MAP3K2: variants seen among roughly 807,000 people sequenced by gnomAD.
MAP3K2 encodes mitogen-activated protein kinase kinase kinase 2.
Under a neutral mutation model 80.3 loss-of-function variants are expected in MAP3K2, and 24 were observed. The ratio of observed to expected loss-of-function variants is 0.30; its 90% confidence interval spans 0.22 to 0.42. The LOEUF is 0.42. Among genes scored for constraint, MAP3K2 ranks in the 10% least tolerant of loss-of-function variants. The probability of loss-of-function intolerance (pLI) is 1.00; values close to 1 mark genes in which losing one functional copy is unlikely to be tolerated. For missense variants in MAP3K2, 608 were observed against 750.1 expected, an observed-to-expected ratio of 0.81 and a Z score of 2.21; for synonymous variants, 244 against 253.7, an observed-to-expected ratio of 0.96 and a Z score of 0.36.
chr2:127,337,860 G>T, intron 3 of MAP3K2, 82 bp from the exon 4 acceptor site: 2 of 873,754 alleles, frequency 2.3e-6, no homozygotes, highest in South Asian at 1.9e-5. Flanking sequence ...ATTTCTAAAT[G>T]ATTTTGTTTT....
chr2:127,319,591 G>T (rs929956309), intron 12 of MAP3K2, among the ~76,000 whole-genome samples: 1 of 138,956 alleles, frequency 7.2e-6, no homozygotes, highest in South Asian at 2.3e-4. Context: ...GATCACCTGA[G>T]GTCAGGAGTT....
intron 1 of MAP3K2, among the ~76,000 whole-genome samples, chr2:127,366,525 T>C (rs1241502876): frequency 1.3e-5 from 2 of 152,116 alleles, no homozygotes; most frequent in African/African-American, 2.4e-5. Context: ...TCGTGATGTA[T>C]AGTTTGTCCC....
chr2:127,326,859 G>A, intron 7 of MAP3K2, 42 bp from the exon 8 acceptor site: 2 of 1,377,480 alleles, frequency 1.5e-6, no homozygotes, highest in Non-Finnish European at 9.7e-7. Context: ...TATAGGCAAG[G>A]GAATCAAGTT....
intron 9 of MAP3K2, among the ~76,000 whole-genome samples, chr2:127,324,825 A>C (rs1686098365): frequency 1.3e-5 from 2 of 152,216 alleles, no homozygotes; most frequent in Non-Finnish European, 2.9e-5. Flanking sequence ...AGGATTACCA[A>C]GAATACTGTC....
At position 127,307,642 on chromosome 2, in the gene MAP3K2, T is replaced by C; in HGVS notation, c.1797A>G (p.Val599=). 1 of 1,589,458 alleles carries C rather than the reference T, an allele frequency of 6.3e-7. No individual in the cohort carries two copies. The highest frequency in any genetic ancestry group is 1.3e-5 in the African/African-American group (1 of 74,710). ...YTRDFLKRIF[V]EAKLRPSADE... ...CAGCTGAAGGTCTCAGTTTGGCCTC[T>C]ACAAAAATCCGTTTGAGGAAATCTC... is the stretch of plus-strand genomic sequence containing the variant. The change falls in exon 17 of 17, where the codon GTA becomes GTG. Residue 599 remains valine (V), a synonymous_variant. Transcript: ENST00000682094. This position sits in a 1 kb window ranked among gnomAD's most constrained non-coding sequence, Gnocchi z 5.4.
At chr2:127,365,509 T>C (rs1686958112) in intron 1 of MAP3K2, among the ~76,000 whole-genome samples, 2 of 152,198 alleles carry the variant, frequency 1.3e-5, no homozygotes, top group African/African-American at 4.8e-5. Flanking sequence ...TATGGTTAGA[T>C]AGAGCTGCAG....
intron 15 of MAP3K2, among the ~76,000 whole-genome samples, chr2:127,314,143 T>C (rs1026562802): frequency 3.3e-5 from 5 of 152,210 alleles, no homozygotes; most frequent in African/African-American, 1.2e-4. Flanking sequence ...CCTACATCCT[T>C]TATCCCTGCA....
chr2:127,368,502 G>T (rs1687010087), intron 1 of MAP3K2, among the ~76,000 whole-genome samples: 1 of 151,746 alleles, frequency 6.6e-6, no homozygotes, highest in South Asian at 2.1e-4. Flanking sequence ...TGCGCCTGTA[G>T]TCCCAGCTAC....
intron 14 of MAP3K2, chr2:127,316,951 C>G (rs1052467662): frequency 6.6e-6 from 1 of 151,636 alleles, no homozygotes; most frequent in Non-Finnish European, 1.5e-5. Flanking sequence ...AAGGATGACA[C>G]GCAAATTTGT....
intron 12 of MAP3K2, among the ~76,000 whole-genome samples, chr2:127,320,223 C>G (rs1389916538): frequency 1.3e-5 from 2 of 152,130 alleles, no homozygotes; most frequent in Non-Finnish European, 2.9e-5. Flanking sequence ...CTATGACTAA[C>G]ATGTTAAAGG....
intron 10 of MAP3K2, 61 bp from the exon 11 acceptor site, chr2:127,324,055 G>C (rs1330184426): frequency 1.8e-6 from 2 of 1,084,018 alleles, no homozygotes; most frequent in African/African-American, 1.6e-5. Context: ...TATTTCTAAT[G>C]ATGAAAAGCA....
chr2:127,353,664 G>A (rs898920948), intron 1 of MAP3K2, among the ~76,000 whole-genome samples: 1 of 151,938 alleles, frequency 6.6e-6, no homozygotes, highest in South Asian at 2.1e-4. Context: ...TCCGGGAGGT[G>A]AGGGGCGCCT....
In MAP3K2 at chr2:127,387,790, A is replaced by G. The variant is rs1286303192; in HGVS notation, c.-404T>C. The G allele has an allele frequency of 8.6e-5, 85 of 984,720 alleles. No homozygotes were observed. The highest frequency in any genetic ancestry group is 1.0e-4 in the Non-Finnish European group (84 of 829,676). The allele number at this position is 984,720 out of a possible 1,614,324, so 61.0% of individuals were successfully genotyped here. A position where few individuals can be genotyped will look rare whatever the true frequency, so the allele number is the denominator to read the frequency against. Reference sequence around the variant, plus strand: ...GAGGAAGCCGCGGGCCCGCGTCGCTAGAGACCGGAGAAGAGGCGGGAGTGG... The same window carrying G: ...GAGGAAGCCGCGGGCCCGCGTCGCTGGAGACCGGAGAAGAGGCGGGAGTGG... On this transcript the variant is annotated 5_prime_UTR_variant, in exon 1 of 17. Transcript: ENST00000682094.
chr2:127,330,605 C>A, intron 5 of MAP3K2, 100 bp from the exon 6 acceptor site: 1 of 566,086 alleles, frequency 1.8e-6, no homozygotes, highest in Non-Finnish European at 3.1e-6. Context: ...AAATACCTTG[C>A]TCTTTGATTT....
intron 4 of MAP3K2, among the ~76,000 whole-genome samples, chr2:127,337,043 G>A (rs1573990938): frequency 2.6e-5 from 4 of 152,124 alleles, no homozygotes; most frequent in Admixed American, 1.3e-4. Context: ...TCAGGAGGCT[G>A]AGGCAGGAGA....
intron 12 of MAP3K2, among the ~76,000 whole-genome samples, chr2:127,319,263 C>T (rs1235376366): frequency 6.6e-6 from 1 of 151,094 alleles, no homozygotes; most frequent in Non-Finnish European, 1.5e-5. Flanking sequence ...AACCCTACCC[C>T]TGAGAGAGAG....
At chr2:127,367,298 G>A (rs1686989206) in intron 1 of MAP3K2, among the ~76,000 whole-genome samples, 1 of 151,942 alleles carries the variant, frequency 6.6e-6, no homozygotes, top group Non-Finnish European at 1.5e-5. Context: ...AAGAAGTTTT[G>A]TAAATACTGT....
rs1439685843 is a variant in MAP3K2, at chr2:127,387,621, C to A, written c.-235G>T. On this transcript the variant is annotated 5_prime_UTR_variant, in exon 1 of 17. Coordinates refer to ENST00000682094, the MANE Select transcript of MAP3K2 (RefSeq NM_001371910.2). Reference sequence around the variant, plus strand: ...GAGGAGTCGGGCGCGGGCCTTGGGGCCAGGCCCGTCCCTCTTTCACATGAA... The same window carrying A: ...GAGGAGTCGGGCGCGGGCCTTGGGGACAGGCCCGTCCCTCTTTCACATGAA... 7.1e-6 allele frequency: 7 copies of A among 984,858 alleles called. No individual in the cohort carries two copies. The highest frequency in any genetic ancestry group is 8.4e-6 in the Non-Finnish European group (7 of 829,756). The allele number at this position is 984,858 out of a possible 1,614,324, so 61.0% of individuals were successfully genotyped here.
At chr2:127,383,041 G>C in intron 1 of MAP3K2, among the ~76,000 whole-genome samples, 1 of 152,238 alleles carries the variant, frequency 6.6e-6, no homozygotes, top group African/African-American at 2.4e-5. Flanking sequence ...GGCAAAGTGG[G>C]AGCAAGGACC....
Sources: gnomAD v4.1 joint callset for allele counts (sites outside exome capture counted in the v4.1 genomes callset) on GRCh38, gnomAD v4.1.1 for gene constraint, Gnocchi (gnomAD v3.1) non-coding constraint, MANE v1.5 for transcripts, NCBI Gene and HGNC (gene_info 2026-07-23, HGNC 2026-07-21) for gene names.